Variants in APPBP2 observed in about 807,000 individuals in gnomAD.
The protein encoded by APPBP2 is amyloid beta precursor protein binding protein 2, also known as amyloid protein-binding protein 2.
A neutral mutation model predicts 76.0 loss-of-function variants in APPBP2; 15 were observed. The ratio of observed to expected loss-of-function variants is 0.20; its 90% CI spans 0.13 to 0.30. The LOEUF (loss-of-function observed/expected upper bound fraction) is 0.30, where lower values mean the gene tolerates loss of function less well. Among genes scored for constraint, APPBP2 ranks in the 10% least tolerant of loss-of-function variants. The pLI is 1.00. For synonymous variants in APPBP2, 222 were observed against 242.2 expected (o/e 0.92, Z 0.77); for missense variants, 401 against 687.2 (o/e 0.58, Z 4.66).
chr17:60,447,960 A>G (rs1185436640), intron 12 of APPBP2, 126 bp from the exon 13 acceptor site: 1 of 843,712 alleles, frequency 1.2e-6, no homozygotes, highest in Non-Finnish European at 1.8e-6. Context: ...CCTGAAAGGA[A>G]TAGATATAAT....
chr17:60,450,786 A>G (rs1418324403), intron 12 of APPBP2, among the ~76,000 whole-genome samples: 1 of 129,466 alleles, frequency 7.7e-6, no homozygotes, highest in African/African-American at 4.7e-5. Context: ...AAAAAAAAAG[A>G]AAGAAAAAAG....
chr17:60,454,924 C>A (rs931586302), intron 10 of APPBP2, among the ~76,000 whole-genome samples: 1 of 152,150 alleles, frequency 6.6e-6, no homozygotes, highest in Non-Finnish European at 1.5e-5. Flanking sequence ...GCTAAAAGAA[C>A]TGATTTCCTC....
intron 1 of APPBP2, among the ~76,000 whole-genome samples, chr17:60,524,049 C>G (rs918983674): frequency 6.6e-6 from 1 of 152,158 alleles, no homozygotes; most frequent in Non-Finnish European, 1.5e-5. Flanking sequence ...AATAAGCATA[C>G]AACTATTAAG....
At chr17:60,502,888 A>C (rs1598369237) in intron 1 of APPBP2, among the ~76,000 whole-genome samples, 1 of 146,728 alleles carries the variant, frequency 6.8e-6, no homozygotes, top group Non-Finnish European at 1.5e-5. Context: ...AACAAGTTAT[A>C]CAACTACTTT....
intron 2 of APPBP2, among the ~76,000 whole-genome samples, chr17:60,494,987 T>G (rs1039413178): frequency 4.7e-5 from 6 of 127,298 alleles, no homozygotes; most frequent in African/African-American, 1.4e-4. Context: ...TTGTTTTGTT[T>G]TTTTTTTTTT....
At chr17:60,452,769 ACAAACAAT>A (rs1374932882) in intron 11 of APPBP2, among the ~76,000 whole-genome samples, 1 of 152,096 alleles carries the variant, frequency 6.6e-6, no homozygotes, top group African/African-American at 2.4e-5. Flanking sequence ...CCCTGTCTCT[ACAAACAAT>A]ACAAAAATTA....
chr17:60,494,300 AT>A, intron 3 of APPBP2, among the ~76,000 whole-genome samples, 165 bp downstream of exon 3: 1 of 152,330 alleles, frequency 6.6e-6, no homozygotes, highest in South Asian at 2.1e-4. Flanking sequence ...GAAAGATACT[AT>A]TTAAATGTAT....
intron 1 of APPBP2, among the ~76,000 whole-genome samples, chr17:60,507,972 C>G (rs527786671): frequency 2.3e-4 from 34 of 151,100 alleles, no homozygotes; most frequent in African/African-American, 7.8e-4. Flanking sequence ...CTTTTTTTTC[C>G]TTCTTTTTTT....
In APPBP2 at chr17:60,519,175, C is replaced by A. The variant is rs56707022; in HGVS notation, c.138+6619G>T. ...ACAGTGTCTCCCTATGTTGCCCAGG[C>A]TGGTCTCAAACTCTTGGGCTCAAGC... On this transcript the variant is annotated intron_variant, in intron 1 of 12. Coordinates refer to ENST00000083182, the MANE Select transcript of APPBP2 (RefSeq NM_006380.5). Among the ~76,000 whole-genome samples the A allele has an allele frequency of 6.0e-3, 916 of 152,182 alleles. 15 individuals carry two copies. The highest frequency in any genetic ancestry group is 0.02 in the African/African-American group (833 of 41,488).
Position 60,494,509 on chromosome 17 carries a change from A to C in APPBP2, c.336T>G (p.Asp112Glu). Residue 112 changes from aspartate to glutamate, a missense_variant, in exon 3 of 13, where the codon GAT becomes GAG. By Grantham distance (45) the Asp-to-Glu change is conservative. Around this residue, in one of 5 missense-constraint regions of APPBP2, gnomAD observed 149 missense variants for 198.4 expected, o/e 0.75. Coordinates refer to ENST00000083182, the MANE Select transcript of APPBP2 (RefSeq NM_006380.5). ...GAATGGCTTTTTCCTTTACTGCAGC[A>C]TCTGATTCTGCTATATAAGAGCACC... ...SRRCSYIAES[D>E]AAVKEKAIQV... 1 of 1,611,904 alleles carries C rather than the reference A, an allele frequency of 6.2e-7. No individual in the cohort carries two copies. Among genetic ancestry groups the C allele is most frequent in the Non-Finnish European group, 8.5e-7 (1 of 1,179,624 alleles).
Position 60,526,104 on chromosome 17 carries a change from G to C in APPBP2, c.-173C>G, listed in dbSNP as rs1339277352. ...TCCTCCGGGGGCAAACTGAGGGACG[G>C]CGGCAGCGGACGCAGGCCCGAGTAA... On this transcript the variant is annotated 5_prime_UTR_variant, in exon 1 of 13. Coordinates refer to ENST00000083182, the MANE Select transcript of APPBP2 (RefSeq NM_006380.5). The C allele has an allele frequency of 1.6e-6, 1 of 629,444 alleles. No homozygotes were observed. The highest frequency in any genetic ancestry group is 1.8e-5 in the African/African-American group (1 of 54,168). The allele number at this position is 629,444 out of a possible 1,614,324, so 39.0% of individuals were successfully genotyped here.
intron 1 of APPBP2, among the ~76,000 whole-genome samples, chr17:60,504,406 A>G (rs1321697542): frequency 6.6e-6 from 1 of 152,254 alleles, no homozygotes; most frequent in Non-Finnish European, 1.5e-5. Context: ...TGACAAAAGA[A>G]GCATTTTAAG....
At chr17:60,462,099 T>C in intron 6 of APPBP2, 38 bp from the exon 7 acceptor site, 2 of 1,483,288 alleles carry the variant, frequency 1.3e-6, no homozygotes, top group Non-Finnish European at 1.9e-6. Context: ...TCTCAAACAG[T>C]TCATTAGTGT....
intron 1 of APPBP2, among the ~76,000 whole-genome samples, chr17:60,511,743 T>C (rs1436544484): frequency 1.3e-5 from 2 of 152,176 alleles, no homozygotes; most frequent in African/African-American, 4.8e-5. Flanking sequence ...CAAAAATAAT[T>C]GCTGATTTTT....
In APPBP2 at chr17:60,454,294, G is replaced by T. The variant is rs2143295284; in HGVS notation, c.1338+8C>A. 1.3e-6 allele frequency: 2 copies of T among 1,537,656 alleles called. No homozygotes were observed. Among genetic ancestry groups the T allele is most frequent in the Non-Finnish European group, 1.7e-6 (2 of 1,143,146 alleles). ...AGAGAGAAAAATATAGTAAAAACAT[G>T]TTTCTACCTTAAATTTTCTCATTGA... On this transcript the variant is annotated splice_region_variant and intron_variant, in intron 11 of 12. Transcript: ENST00000083182.
intron 1 of APPBP2, among the ~76,000 whole-genome samples, chr17:60,515,930 C>T (rs776727253): frequency 5.9e-5 from 9 of 152,096 alleles, no homozygotes; most frequent in Non-Finnish European, 1.2e-4. Context: ...TCTGGGAGGC[C>T]GAGACAGGCA....
chr17:60,478,647 C>T (rs2090607671), intron 4 of APPBP2, among the ~76,000 whole-genome samples: 1 of 152,146 alleles, frequency 6.6e-6, no homozygotes, highest in Non-Finnish European at 1.5e-5. Flanking sequence ...CTGGGCCAGG[C>T]ACGGTGGCTC....
At chr17:60,502,767 C>G (rs919806810) in intron 1 of APPBP2, among the ~76,000 whole-genome samples, 2 of 146,000 alleles carry the variant, frequency 1.4e-5, no homozygotes. Flanking sequence ...GGGAGAGAAT[C>G]GCTTGAACTC....
rs754529549 is a variant in APPBP2 at position 60,504,581 on chromosome 17, C to A, written c.139-4094G>T. Among the ~76,000 whole-genome samples, 8 of 152,178 alleles carry A rather than the reference C, an allele frequency of 5.3e-5. 1 individual carries two copies. The highest frequency in any genetic ancestry group is 6.5e-5 in the Admixed American group (1 of 15,270). On this transcript the variant is annotated intron_variant, in intron 1 of 12. Transcript: ENST00000083182. Reference sequence around the variant, plus strand: ...TATTAAAAGCTACCTGCTAACATTGCTTTCCTAAGCATCACATCACATAAA... The same window carrying A: ...TATTAAAAGCTACCTGCTAACATTGATTTCCTAAGCATCACATCACATAAA...
Sources: allele counts gnomAD v4.1 joint callset (sites outside exome capture counted in the v4.1 genomes callset), GRCh38; gene constraint gnomAD v4.1.1; regional missense constraint gnomAD v4.1.1; transcripts MANE v1.5; gene names NCBI Gene and HGNC (gene_info 2026-07-23, HGNC 2026-07-21).